Variants in ORC4 observed in about 807,000 individuals in gnomAD.
ORC4 encodes origin recognition complex subunit 4, also known as origin recognition complex, subunit 4 homolog.
A neutral mutation model predicts 63.9 loss-of-function variants in ORC4; 55 were observed. That is an observed-to-expected ratio of 0.86 (90% CI 0.69 to 1.08). The LOEUF is 1.08. Among genes scored for constraint, ORC4 ranks in the 50% least tolerant of loss-of-function variants. The probability of loss-of-function intolerance (pLI) is 0.00; values close to 1 mark genes in which losing one functional copy is unlikely to be tolerated. For missense variants in ORC4, 511 were observed against 504.4 expected, an observed-to-expected ratio of 1.01 and a Z score of -0.13; for synonymous variants, 150 against 168.5, an observed-to-expected ratio of 0.89 and a Z score of 0.85.
intron 2 of ORC4, among the ~76,000 whole-genome samples, chr2:147,974,496 G>A (rs1336831499): frequency 3.3e-5 from 5 of 151,954 alleles, no homozygotes; most frequent in African/African-American, 9.6e-5. Flanking sequence ...TTAGCCAGAC[G>A]TGGTGGTGGA....
At chr2:147,996,967 T>C (rs1692011319) in intron 1 of ORC4, among the ~76,000 whole-genome samples, 2 of 152,214 alleles carry the variant, frequency 1.3e-5, no homozygotes, top group African/African-American at 4.8e-5. Context: ...TTTACAGCAG[T>C]TTTATTTATA....
intron 11 of ORC4, chr2:147,938,732 G>A (rs1688199863): frequency 1.5e-5 from 5 of 332,758 alleles, no homozygotes; most frequent in South Asian, 6.4e-5. Flanking sequence ...GGGCCTTTGC[G>A]TAGGATTTAT....
chr2:148,003,597 G>A (rs965249674), intron 1 of ORC4, among the ~76,000 whole-genome samples: 2 of 152,020 alleles, frequency 1.3e-5, no homozygotes, highest in Admixed American at 1.3e-4. Context: ...ACTAAGAATC[G>A]ATAGAACGTA....
chr2:147,980,507 C>T (rs1367424397), intron 1 of ORC4, among the ~76,000 whole-genome samples: 3 of 151,288 alleles, frequency 2.0e-5, no homozygotes, highest in Non-Finnish European at 4.4e-5. Context: ...AAAACAACAA[C>T]AAAAAAAACT....
chr2:147,986,138 G>T (rs897753865), intron 1 of ORC4, among the ~76,000 whole-genome samples: 11 of 151,794 alleles, frequency 7.2e-5, no homozygotes, highest in African/African-American at 2.2e-4. Context: ...TCTTCCCATC[G>T]CTAAAAAGGA....
At chr2:147,992,328 C>T (rs763872910) in intron 1 of ORC4, among the ~76,000 whole-genome samples, 1 of 152,114 alleles carries the variant, frequency 6.6e-6, no homozygotes, top group South Asian at 2.1e-4. Flanking sequence ...ACGATAATAG[C>T]TCACTGAAGT....
intron 1 of ORC4, among the ~76,000 whole-genome samples, chr2:147,993,905 CTT>C (rs1460779271): frequency 2.0e-5 from 3 of 152,092 alleles, no homozygotes; most frequent in African/African-American, 7.2e-5. Context: ...CTTTATATAC[CTT>C]TTCTCATCAT....
intron 6 of ORC4, among the ~76,000 whole-genome samples, chr2:147,957,194 T>C (rs1164822678): frequency 2.0e-5 from 3 of 147,494 alleles, no homozygotes; most frequent in Non-Finnish European, 3.0e-5. Flanking sequence ...TATATAGATA[T>C]AACCTATTAT....
chr2:147,993,041 A>G (rs1037555826), intron 1 of ORC4, among the ~76,000 whole-genome samples: 1 of 152,218 alleles, frequency 6.6e-6, no homozygotes, highest in Non-Finnish European at 1.5e-5. Flanking sequence ...TGCTGCACAG[A>G]GAGGCCAAGA....
intron 4 of ORC4, among the ~76,000 whole-genome samples, chr2:147,964,898 G>A (rs1689811097): frequency 6.6e-6 from 1 of 152,048 alleles, no homozygotes; most frequent in African/African-American, 2.4e-5. Flanking sequence ...ACAGGACAGA[G>A]GGGAATGGGA....
chr2:148,020,304 G>A (rs1693620948), intron 1 of ORC4, among the ~76,000 whole-genome samples: 1 of 152,172 alleles, frequency 6.6e-6, no homozygotes. Context: ...CAGTCATGAG[G>A]GTCAATTGCT....
intron 1 of ORC4, among the ~76,000 whole-genome samples, chr2:147,983,615 A>G (rs1691017578): frequency 6.6e-6 from 1 of 152,232 alleles, no homozygotes; most frequent in East Asian, 1.9e-4. Flanking sequence ...ACCTCCACAG[A>G]CAGAACATGA....
chr2:147,960,440 A>C (rs1249541685), intron 4 of ORC4: 1 of 705,220 alleles, frequency 1.4e-6, no homozygotes, highest in African/African-American at 1.9e-5. Flanking sequence ...CATTTCAAAT[A>C]TTTAAACTAC....
chr2:147,949,265 T>C (rs1235948577), intron 8 of ORC4, among the ~76,000 whole-genome samples: 1 of 151,890 alleles, frequency 6.6e-6, no homozygotes, highest in Admixed American at 6.6e-5. Flanking sequence ...GAATATTATT[T>C]GGTAATAAAA....
At chr2:147,941,494 GA>G (rs35443429) in intron 10 of ORC4, among the ~76,000 whole-genome samples, 5 of 150,438 alleles carry the variant, frequency 3.3e-5, no homozygotes, top group South Asian at 2.1e-4. Flanking sequence ...AGATTGGCAA[GA>G]AAAAAAAAGT....
chr2:148,001,188 C>T (rs998602022), intron 1 of ORC4, among the ~76,000 whole-genome samples: 1 of 152,036 alleles, frequency 6.6e-6, no homozygotes, highest in African/African-American at 2.4e-5. Flanking sequence ...AGAACCTAAC[C>T]TGTGACAAAG....
chr2:147,972,922 G>T lies in ORC4; in HGVS notation c.135-93C>A, dbSNP rs1021749333. 3.2e-5 allele frequency: 26 copies of T among 808,708 alleles called. No individual in the cohort carries two copies. In the Admixed American group the frequency reaches 5.2e-4, roughly 16 times the overall value. The allele number at this position is 808,708 out of a possible 1,614,324, so 50.1% of individuals were successfully genotyped here. A position where few individuals can be genotyped will look rare whatever the true frequency, so the allele number is the denominator to read the frequency against. ...TAAAAGGCATATTTGAATATGCACA[G>T]AAATTTCCTCTCTTCTCTCCCTCTG... is the stretch of plus-strand genomic sequence containing the variant. On this transcript the variant is annotated intron_variant, in intron 3 of 13. Transcript: ENST00000392857.
Position 147,943,385 on chromosome 2 carries a change from T to C in ORC4, c.849+51A>G, listed in dbSNP as rs746757946. On this transcript the variant is annotated intron_variant, in intron 10 of 13. Transcript: ENST00000392857. The stretch of plus-strand genomic sequence containing the variant: ...GAGCAACAAAGTGAGACCCCGTCAC[T>C]ATTAAAAACAAAAACAAAGCAACAA... The C allele has an allele frequency of 6.5e-6, 8 of 1,232,564 alleles. 1 individual carries two copies. The Admixed American group carries it at 6.8e-5, about 10-fold the overall frequency. The allele number at this position is 1,232,564 out of a possible 1,614,324, so 76.4% of individuals were successfully genotyped here.
At chr2:148,006,895 C>T (rs1433264000) in intron 1 of ORC4, among the ~76,000 whole-genome samples, 1 of 152,170 alleles carries the variant, frequency 6.6e-6, no homozygotes, top group African/African-American at 2.4e-5. Context: ...CACCCCCCAC[C>T]AACACTGGGC....
Sources: allele counts gnomAD v4.1 joint callset (sites outside exome capture counted in the v4.1 genomes callset), GRCh38; gene constraint gnomAD v4.1.1; transcripts MANE v1.5; gene names NCBI Gene and HGNC (gene_info 2026-07-23, HGNC 2026-07-21).